The following ANKRD18B variants were observed in gnomAD, a reference collection of about 807,000 sequenced individuals.
ANKRD18B encodes ankyrin repeat domain 18B, also known as ankyrin repeat domain-containing protein 18B.
ANKRD18B carries 75 observed loss-of-function variants against 111.8 expected under a neutral mutation model. That is an observed-to-expected ratio of 0.67 (90% CI 0.56 to 0.81). The LOEUF is 0.81. Ranked by LOEUF, ANKRD18B falls within the 40% of genes least tolerant of loss-of-function variation. The pLI is 0.00. For synonymous variants in ANKRD18B, 356 were observed against 417.3 expected, an observed-to-expected ratio of 0.85 and a Z score of 1.79; for missense variants, 1,038 against 1,225.5, an observed-to-expected ratio of 0.85 and a Z score of 2.28.
At chr9:33,527,304 TC>T (rs999857956) in intron 1 of ANKRD18B, among the ~76,000 whole-genome samples, 7 of 136,550 alleles carry the variant, frequency 5.1e-5, no homozygotes, top group African/African-American at 1.8e-4. Flanking sequence ...GCTTCATGTT[TC>T]TTTTTTTGTT....
intron 17 of ANKRD18B, among the ~76,000 whole-genome samples, chr9:33,570,799 A>G (rs1437225063): frequency 6.6e-6 from 1 of 151,982 alleles, no homozygotes; most frequent in East Asian, 1.9e-4. Context: ...CACCACACCC[A>G]GCTAATTTTT....
chr9:33,555,176 T>C (rs1298596892), intron 12 of ANKRD18B, among the ~76,000 whole-genome samples: 1 of 152,154 alleles, frequency 6.6e-6, no homozygotes, highest in Non-Finnish European at 1.5e-5. Flanking sequence ...AAATAAACTT[T>C]GTTTAAAGAG....
chr9:33,572,263 C>T (rs1331282489), intron 18 of ANKRD18B, 53 bp from the exon 19 acceptor site: 8 of 1,399,996 alleles, frequency 5.7e-6, no homozygotes, highest in African/African-American at 2.8e-5. Context: ...ACTTACACTT[C>T]GTTAACTGAA....
At position 33,572,311 on chromosome 9, in the gene ANKRD18B, T is replaced by G; in HGVS notation, c.3224-5T>G. On this transcript the variant is annotated splice_polypyrimidine_tract_variant and splice_region_variant and intron_variant, in intron 18 of 18. Transcript: ENST00000684830. ...AAGAACATAATCCTTTCTTTTTCTT[T>G]CCAGCTTTTGCTGCGTTGGGCCCTT... The G allele has an allele frequency of 6.2e-7, 1 of 1,607,072 alleles. No homozygotes were observed. The highest frequency in any genetic ancestry group is 1.1e-5 in the South Asian group (1 of 90,694).
At position 33,555,197 on chromosome 9, in the gene ANKRD18B, TAGAC is replaced by T. The variant is rs558369679; in HGVS notation, c.2218-508_2218-505del. On this transcript the variant is annotated intron_variant, in intron 12 of 18. Transcript: ENST00000684830. ...ACTTTGTTTAAAGAGAAATGGTTAA[TAGAC>T]AGGGAAAAACTGAAACCTACAGGTG... 4.0e-3 allele frequency among the ~76,000 whole-genome samples: 608 copies of T among 152,212 alleles called. 5 individuals are homozygous for T. Among genetic ancestry groups the T allele is most frequent in the Admixed American group, 6.9e-3 (105 of 15,296 alleles).
At position 33,567,327 on chromosome 9, in the gene ANKRD18B, A is replaced by T; in HGVS notation, c.2954+13A>T. On this transcript the variant is annotated intron_variant, in intron 16 of 18. Coordinates refer to ENST00000684830, the MANE Select transcript of ANKRD18B (RefSeq NM_001393611.1). ...AAAAAATAACGAAGTAAGTCAAAAC[A>T]TATACTCATAGAAAATGAATTAAAC... 2.0e-6 allele frequency: 3 copies of T among 1,530,892 alleles called. No homozygotes were observed. The highest frequency in any genetic ancestry group is 2.6e-6 in the Non-Finnish European group (3 of 1,140,358). The allele number at this position is 1,530,892 out of a possible 1,614,324, so 94.8% of individuals were successfully genotyped here. A position where few individuals can be genotyped will look rare whatever the true frequency, so the allele number is the denominator to read the frequency against.
chr9:33,537,519 T>C (rs1257419409), intron 6 of ANKRD18B, among the ~76,000 whole-genome samples: 2 of 152,164 alleles, frequency 1.3e-5, no homozygotes, highest in Non-Finnish European at 2.9e-5. Context: ...TTAATATAAA[T>C]AAGAAATTAG....
rs1476349052 is a variant in ANKRD18B, at chr9:33,541,236, C to T, written c.1078+9C>T. On this transcript the variant is annotated intron_variant, in intron 9 of 18. Transcript: ENST00000684830. ...AAAAGAAGGTGCAAAAGGTAAGACA[C>T]TTGAGTATCTCTACTCTTAACCATG... 2 of 1,542,566 alleles carry T rather than the reference C, an allele frequency of 1.3e-6. No homozygotes were observed. The highest frequency in any genetic ancestry group is 4.1e-5 in the Admixed American group (2 of 49,264).
Position 33,548,482 on chromosome 9 carries a change from G to T in ANKRD18B, c.1694G>T (p.Arg565Ile), listed in dbSNP as rs887784966. 23 of 1,551,166 alleles carry T rather than the reference G, an allele frequency of 1.5e-5. No individual in the cohort carries two copies. The highest frequency in any genetic ancestry group is 1.9e-5 in the Non-Finnish European group (22 of 1,146,702). The change falls in exon 11 of 19, where the codon AGA (arginine) becomes ATA (isoleucine). Residue 565 changes from arginine to isoleucine, a missense_variant. Transcript: ENST00000684830. ...TTAAAAGGTAAGCTCCGTGAGACAA[G>T]AGATGCTCTCAGGGAAAAGACATTG... ...NTLKGKLRETRDALREKTLAL... is the reference protein window; with the variant it reads ...NTLKGKLRETIDALREKTLAL...
chr9:33,557,217 G>T (rs1261564714), intron 13 of ANKRD18B, among the ~76,000 whole-genome samples: 4 of 151,878 alleles, frequency 2.6e-5, no homozygotes, highest in Non-Finnish European at 5.9e-5. Context: ...TTCTAAAACT[G>T]CCTGTTTTCT....
chr9:33,557,759 G>T (rs1828547912), intron 13 of ANKRD18B, among the ~76,000 whole-genome samples: 1 of 151,894 alleles, frequency 6.6e-6, no homozygotes, highest in African/African-American at 2.4e-5. Flanking sequence ...TCACACTTCA[G>T]CCTGAGCAAA....
At position 33,524,612 on chromosome 9, in the gene ANKRD18B, G is replaced by T; in HGVS notation, c.123G>T (p.Ala41=). Residue 41 remains alanine, a synonymous_variant, in exon 1 of 19, where the codon GCG becomes GCT. Transcript: ENST00000684830. ...GGGAACTGCGGAAGATCCACAGGGC[G>T]GCCATCAAGGGCGACGCCGCAGAGG... ...RDWELRKIHR[A]AIKGDAAEVE... The T allele has an allele frequency of 7.7e-6, 12 of 1,551,576 alleles. No homozygotes were observed. The highest frequency in any genetic ancestry group is 1.0e-5 in the Non-Finnish European group (12 of 1,146,892).
chr9:33,548,155 C>G lies in ANKRD18B; in HGVS notation c.1367C>G (p.Ala456Gly). ...GAAGAAATGATAACAAAAAAAGTGGCCCAGTATTCGCAACAGCTTAATGAT... is the reference window on the plus strand; with the variant it reads ...GAAGAAATGATAACAAAAAAAGTGGGCCAGTATTCGCAACAGCTTAATGAT... Reference protein sequence around the residue: ...LNEEMITKKVAQYSQQLNDLK... With the variant: ...LNEEMITKKVGQYSQQLNDLK... The change falls in exon 11 of 19, where the codon GCC becomes GGC. Residue 456 changes from alanine to glycine, a missense_variant. Ala to Gly is a moderately conservative substitution (Grantham distance 60, BLOSUM62 0). Transcript: ENST00000684830. 1.3e-6 allele frequency: 2 copies of G among 1,537,610 alleles called. No individual in the cohort carries two copies. The highest frequency in any genetic ancestry group is 1.8e-6 in the Non-Finnish European group (2 of 1,142,058).
intron 14 of ANKRD18B, among the ~76,000 whole-genome samples, chr9:33,559,043 TAAAC>T (rs926554242): frequency 2.0e-5 from 3 of 152,180 alleles, no homozygotes; most frequent in Non-Finnish European, 2.9e-5. Flanking sequence ...TGACAATTGA[TAAAC>T]AAAATCTGTT....
chr9:33,567,504 CTT>C (rs1828704799), intron 16 of ANKRD18B, among the ~76,000 whole-genome samples, 190 bp downstream of exon 16: 1 of 151,902 alleles, frequency 6.6e-6, no homozygotes, highest in Admixed American at 6.6e-5. Flanking sequence ...TTCTGTCTCT[CTT>C]CTCTTTTTTT....
intron 1 of ANKRD18B, among the ~76,000 whole-genome samples, chr9:33,525,205 A>G (rs1358637912): frequency 6.6e-6 from 1 of 152,186 alleles, no homozygotes; most frequent in Non-Finnish European, 1.5e-5. Context: ...TCATTTTTGC[A>G]TGACACTTGC....
chr9:33,562,696 A>G (rs1273404813), intron 14 of ANKRD18B, among the ~76,000 whole-genome samples: 5 of 152,216 alleles, frequency 3.3e-5, no homozygotes, highest in African/African-American at 1.2e-4. Flanking sequence ...CTCCATGCAA[A>G]CAAACGTGAA....
chr9:33,530,132 G>A (rs1383767269), intron 3 of ANKRD18B, among the ~76,000 whole-genome samples: 4 of 152,096 alleles, frequency 2.6e-5, no homozygotes, highest in Non-Finnish European at 5.9e-5. Context: ...AGTTGATAAA[G>A]GATATTGGCC....
chr9:33,526,195 T>C (rs1276261069), intron 1 of ANKRD18B, among the ~76,000 whole-genome samples: 1 of 152,216 alleles, frequency 6.6e-6, no homozygotes, highest in Non-Finnish European at 1.5e-5. Flanking sequence ...AATTACCACA[T>C]TTTAAAAATG....
Sources: allele counts gnomAD v4.1 joint callset (sites outside exome capture counted in the v4.1 genomes callset), GRCh38; gene constraint gnomAD v4.1.1; transcripts MANE v1.5; gene names NCBI Gene and HGNC (gene_info 2026-07-23, HGNC 2026-07-21).